The following RYR2 variants were observed in gnomAD, a reference collection of about 807,000 sequenced individuals.
The protein encoded by RYR2 is cardiac muscle ryanodine receptor-calcium release channel.
Under a neutral mutation model 601.1 loss-of-function variants are expected in RYR2, and 227 were observed. That is an observed-to-expected ratio of 0.38 (90% CI 0.34 to 0.42). The LOEUF (loss-of-function observed/expected upper bound fraction) is 0.42, where lower values mean the gene tolerates loss of function less well. Ranked by LOEUF, RYR2 falls within the 10% of genes least tolerant of loss-of-function variation. The pLI is 1.00. For missense variants in RYR2, 4,646 were observed against 6,156.5 expected, an observed-to-expected ratio of 0.75 and a Z score of 8.21; for synonymous variants, 2,223 against 2,175.1, an observed-to-expected ratio of 1.02 and a Z score of -0.61.
intron 39 of RYR2, among the ~76,000 whole-genome samples, chr1:237,624,518 C>T (rs1679435723): frequency 6.6e-6 from 1 of 152,086 alleles, no homozygotes; most frequent in South Asian, 2.1e-4. Flanking sequence ...CTCAATGAAG[C>T]TGTTTTTTCC....
At chr1:237,779,265 G>T (rs1164935542) in intron 88 of RYR2, among the ~76,000 whole-genome samples, 1 of 152,148 alleles carries the variant, frequency 6.6e-6, no homozygotes, top group African/African-American at 2.4e-5. Flanking sequence ...CTATTATATG[G>T]ATAAGCAAAT....
At chr1:237,228,413 T>C (rs1684626380) in intron 1 of RYR2, among the ~76,000 whole-genome samples, 1 of 152,212 alleles carries the variant, frequency 6.6e-6, no homozygotes, top group Non-Finnish European at 1.5e-5. Context: ...TTTTGCAATT[T>C]TGAATTGTGC....
At chr1:237,359,156 G>A (rs1699559038) in intron 4 of RYR2, among the ~76,000 whole-genome samples, 1 of 152,120 alleles carries the variant, frequency 6.6e-6, no homozygotes, top group Non-Finnish European at 1.5e-5. Context: ...GCTTAGCTTA[G>A]CCTCCCTTAA....
chr1:237,223,521 C>T (rs192676344), intron 1 of RYR2, among the ~76,000 whole-genome samples: 4 of 152,220 alleles, frequency 2.6e-5, no homozygotes, highest in African/African-American at 7.2e-5. Flanking sequence ...TAACTTTATT[C>T]CTGTAGTTGG....
intron 12 of RYR2, among the ~76,000 whole-genome samples, chr1:237,429,821 A>G (rs1215812365): frequency 6.6e-6 from 1 of 152,180 alleles, no homozygotes; most frequent in Non-Finnish European, 1.5e-5. Context: ...TTAGAAAAAT[A>G]AAGTGAAAAC....
At chr1:237,291,527 A>T (rs1692188426) in intron 2 of RYR2, among the ~76,000 whole-genome samples, 3 of 152,236 alleles carry the variant, frequency 2.0e-5, no homozygotes, top group Admixed American at 2.0e-4. Context: ...CCAAAATGTG[A>T]AAGCAACCAA....
At chr1:237,510,042 AG>A (rs1284440271) in intron 23 of RYR2, among the ~76,000 whole-genome samples, 2 of 152,210 alleles carry the variant, frequency 1.3e-5, no homozygotes, top group Non-Finnish European at 2.9e-5. Flanking sequence ...TTTATTCTGT[AG>A]GGGGCTAAAG....
At chr1:237,416,008 T>C (rs1265540858) in intron 10 of RYR2, among the ~76,000 whole-genome samples, 2 of 152,242 alleles carry the variant, frequency 1.3e-5, no homozygotes, top group East Asian at 1.9e-4. Context: ...ACAATAAAGA[T>C]AGAATGAGAA....
intron 18 of RYR2, among the ~76,000 whole-genome samples, chr1:237,492,382 A>G (rs892023743): frequency 6.6e-6 from 1 of 152,250 alleles, no homozygotes; most frequent in African/African-American, 2.4e-5. Context: ...TATTCATAGC[A>G]TCAGTGGGAA....
chr1:237,683,433 G>A (rs1429654904), intron 62 of RYR2, among the ~76,000 whole-genome samples: 1 of 152,186 alleles, frequency 6.6e-6, no homozygotes, highest in African/African-American at 2.4e-5. Context: ...CAGGCAGTAA[G>A]ATGGGATTCA....
At chr1:237,776,791 G>C (rs1694697920) in intron 87 of RYR2, among the ~76,000 whole-genome samples, 1 of 152,048 alleles carries the variant, frequency 6.6e-6, no homozygotes, top group Admixed American at 6.6e-5. Flanking sequence ...CTGGCCCTCT[G>C]GTGTGGTGTG....
At chr1:237,446,246 G>A (rs185732827) in intron 14 of RYR2, among the ~76,000 whole-genome samples, 2 of 152,204 alleles carry the variant, frequency 1.3e-5, no homozygotes, top group East Asian at 1.9e-4. Context: ...AATTAAACTT[G>A]TGACCAACAT....
chr1:237,551,242 A>G (rs1050924196), intron 27 of RYR2, among the ~76,000 whole-genome samples: 15 of 152,212 alleles, frequency 9.9e-5, no homozygotes, highest in Non-Finnish European at 2.1e-4. Context: ...TGAAGAATGT[A>G]GTTTAGGCCG....
intron 25 of RYR2, among the ~76,000 whole-genome samples, chr1:237,534,430 A>G (rs533942583): frequency 6.6e-6 from 1 of 152,190 alleles, no homozygotes; most frequent in African/African-American, 2.4e-5. Flanking sequence ...ATGTTAACAA[A>G]GATTAATAAA....
At chr1:237,266,354 A>C (rs981877556) in intron 1 of RYR2, among the ~76,000 whole-genome samples, 6 of 144,640 alleles carry the variant, frequency 4.1e-5, no homozygotes, top group African/African-American at 1.5e-4. Context: ...GTGTGTGTGT[A>C]CATGTATGTG....
At chr1:237,210,714 G>C (rs1275237315) in intron 1 of RYR2, among the ~76,000 whole-genome samples, 1 of 152,144 alleles carries the variant, frequency 6.6e-6, no homozygotes, top group Non-Finnish European at 1.5e-5. Flanking sequence ...GATGCTGGCT[G>C]GGTGCTGTGT....
chr1:237,614,779 A>T lies in RYR2; in HGVS notation c.5651A>T (p.Lys1884Met). 1 of 1,610,686 alleles carries T rather than the reference A, an allele frequency of 6.2e-7. No homozygotes were observed. The highest frequency in any genetic ancestry group is 8.5e-7 in the Non-Finnish European group (1 of 1,177,476). ...KLQGAGEEEA[K>M]GGKRPKEGLL... ...CAAGGAGCTGGTGAGGAAGAAGCCA[A>T]GGGGGGCAAGCGGCCCAAGGAAGGC... is the stretch of plus-strand genomic sequence containing the variant. Residue 1884 changes from lysine to methionine, a missense_variant, in exon 37 of 105, where the codon AAG becomes ATG. Around this residue, in one of 17 missense-constraint regions of RYR2, gnomAD observed 1,807 missense variants for 2,088.1 expected, o/e 0.87. Coordinates refer to ENST00000366574, the MANE Select transcript of RYR2 (RefSeq NM_001035.3). This position sits in a 1 kb window ranked among gnomAD's most constrained non-coding sequence, Gnocchi z 4.3.
chr1:237,572,971 A>C (rs914028724), intron 29 of RYR2, among the ~76,000 whole-genome samples: 1 of 152,054 alleles, frequency 6.6e-6, no homozygotes, highest in East Asian at 1.9e-4. Context: ...AGTTTGAAAA[A>C]CTATTTATTT....
At chr1:237,096,729 T>C (rs1280886410) in intron 1 of RYR2, among the ~76,000 whole-genome samples, 2 of 152,202 alleles carry the variant, frequency 1.3e-5, no homozygotes, top group Non-Finnish European at 2.9e-5. Context: ...ATTTTACCAC[T>C]TGGACAAGAG....
Sources: allele counts gnomAD v4.1 joint callset (sites outside exome capture counted in the v4.1 genomes callset), GRCh38; gene constraint gnomAD v4.1.1; regional missense constraint gnomAD v4.1.1; non-coding constraint Gnocchi (gnomAD v3.1); transcripts MANE v1.5; gene names NCBI Gene and HGNC (gene_info 2026-07-23, HGNC 2026-07-21).